The following PTPRM variants were observed in gnomAD, a reference collection of about 807,000 sequenced individuals.
PTPRM encodes receptor-type tyrosine-protein phosphatase mu.
PTPRM carries 47 observed loss-of-function variants against 186.7 expected under a neutral mutation model. The observed-to-expected ratio is 0.25, with a 90% confidence interval of 0.20 to 0.32. PTPRM has a LOEUF of 0.32. Among genes scored for constraint, PTPRM ranks in the 10% least tolerant of loss-of-function variants. The pLI, the probability that PTPRM is intolerant of heterozygous loss-of-function variation, is 1.00. For synonymous variants in PTPRM, 668 were observed against 674.9 expected (o/e 0.99, Z 0.16); for missense variants, 1,494 against 1,865.0 (o/e 0.80, Z 3.66).
chr18:8,071,588 A>G (rs893693863), intron 8 of PTPRM, among the ~76,000 whole-genome samples: 4 of 152,092 alleles, frequency 2.6e-5, no homozygotes, highest in African/African-American at 9.7e-5. Context: ...TTCTTGGCTC[A>G]TATTCTAGGA....
At chr18:8,290,100 G>A (rs2095025797) in intron 19 of PTPRM, among the ~76,000 whole-genome samples, 1 of 152,140 alleles carries the variant, frequency 6.6e-6, no homozygotes, top group Non-Finnish European at 1.5e-5. Flanking sequence ...GCAATAAATA[G>A]TTTATATGGG....
At chr18:7,817,452 T>G (rs1598867450) in intron 2 of PTPRM, among the ~76,000 whole-genome samples, 1 of 152,200 alleles carries the variant, frequency 6.6e-6, no homozygotes, top group Non-Finnish European at 1.5e-5. Context: ...TTAGATACCA[T>G]TTGGGGTTAT....
At chr18:8,017,160 A>T (rs978183585) in intron 7 of PTPRM, among the ~76,000 whole-genome samples, 3 of 152,156 alleles carry the variant, frequency 2.0e-5, no homozygotes, top group Non-Finnish European at 4.4e-5. Flanking sequence ...CCACGTATTT[A>T]TTATTTCAGG....
intron 2 of PTPRM, among the ~76,000 whole-genome samples, chr18:7,837,694 C>T (rs1160674795): frequency 1.3e-5 from 2 of 152,306 alleles, no homozygotes; most frequent in Admixed American, 6.5e-5. Context: ...CCACCCTCCT[C>T]AGCCTCCCAA....
At chr18:7,658,359 T>TATATATATATATATATATATACATACAC (rs1491198247) in intron 1 of PTPRM, among the ~76,000 whole-genome samples, 1 of 136,666 alleles carries the variant, frequency 7.3e-6, no homozygotes, top group African/African-American at 2.9e-5. Flanking sequence ...TATATATATA[T>TATATATATATATATATATATACATACAC]ACATACACAC....
At chr18:8,152,084 C>T (rs1374511457) in intron 14 of PTPRM, among the ~76,000 whole-genome samples, 4 of 105,210 alleles carry the variant, frequency 3.8e-5, no homozygotes, top group Admixed American at 9.7e-5. Flanking sequence ...AGCTGCAGAC[C>T]GGAGCTGTTC....
At chr18:8,028,800 C>T (rs549934556) in intron 7 of PTPRM, among the ~76,000 whole-genome samples, 17 of 152,234 alleles carry the variant, frequency 1.1e-4, no homozygotes, top group Admixed American at 3.3e-4. Context: ...CAAGAGAGCA[C>T]GACGAGGAAG....
At position 8,039,274 on chromosome 18, in the gene PTPRM, TCTC is replaced by T. The variant is rs1034233238; in HGVS notation, c.1133-30408_1133-30406del. 3.0e-4 allele frequency among the ~76,000 whole-genome samples: 46 copies of T among 152,134 alleles called. 1 individual carries two copies. Among genetic ancestry groups the T allele is most frequent in the Admixed American group, 5.2e-4 (8 of 15,270 alleles). On this transcript the variant is annotated intron_variant, in intron 7 of 32. Coordinates refer to ENST00000580170, the MANE Select transcript of PTPRM (RefSeq NM_001105244.2). ...GAACCTTTACAGATTACTGTATTTC[TCTC>T]CTCAACAATATAATACTTGTTCAGA...
At chr18:7,605,640 T>G (rs2143795023) in intron 1 of PTPRM, among the ~76,000 whole-genome samples, 1 of 152,338 alleles carries the variant, frequency 6.6e-6, no homozygotes, top group East Asian at 1.9e-4. Context: ...AGAGTTCCAG[T>G]TGTGTGGGAT....
chr18:7,900,649 A>G (rs758706342), intron 3 of PTPRM, among the ~76,000 whole-genome samples: 1 of 152,200 alleles, frequency 6.6e-6, no homozygotes, highest in African/African-American at 2.4e-5. Flanking sequence ...AAGAGTCCAG[A>G]CTTGGAAGCA....
At chr18:8,404,159 ACATTCCCTC>A (rs1237908486) in intron 32 of PTPRM, 2 of 152,136 alleles carry the variant, frequency 1.3e-5, no homozygotes, top group Non-Finnish European at 2.9e-5. Context: ...GCACCGTTTG[ACATTCCCTC>A]CAGCCGTGTA....
intron 1 of PTPRM, among the ~76,000 whole-genome samples, chr18:7,626,055 CT>C (rs1365699953): frequency 1.3e-5 from 2 of 152,150 alleles, no homozygotes; most frequent in Non-Finnish European, 2.9e-5. Flanking sequence ...GCTAAAATGC[CT>C]TAACATTCAT....
intron 1 of PTPRM, among the ~76,000 whole-genome samples, chr18:7,609,752 C>G (rs1340145229): frequency 6.6e-6 from 1 of 152,034 alleles, no homozygotes; most frequent in Non-Finnish European, 1.5e-5. Context: ...CTGATTACTG[C>G]CCAGGGATGA....
chr18:8,157,043 T>C (rs999342726), intron 14 of PTPRM, among the ~76,000 whole-genome samples: 1 of 152,068 alleles, frequency 6.6e-6, no homozygotes, highest in Non-Finnish European at 1.5e-5. Context: ...GCACCTTTCC[T>C]CCTCAGAGAC....
At chr18:7,796,034 T>G (rs2145276571) in intron 2 of PTPRM, among the ~76,000 whole-genome samples, 1 of 152,168 alleles carries the variant, frequency 6.6e-6, no homozygotes, top group East Asian at 1.9e-4. Context: ...GGTCTCGAAC[T>G]CTTGGGCTCA....
chr18:8,143,973 T>G (rs146663366), intron 14 of PTPRM, among the ~76,000 whole-genome samples, 194 bp downstream of exon 14: 142 of 152,312 alleles, frequency 9.3e-4, no homozygotes, highest in Non-Finnish European at 1.7e-3. Context: ...TGGCTATGAT[T>G]CTGTGTGAAT....
intron 2 of PTPRM, among the ~76,000 whole-genome samples, chr18:7,817,960 G>A (rs576911120): frequency 8.5e-5 from 13 of 152,180 alleles, no homozygotes; most frequent in Non-Finnish European, 1.6e-4. Context: ...AGAAAGCTCC[G>A]CAAGGCAGAT....
At position 8,220,194 on chromosome 18, in the gene PTPRM, G is replaced by A. The variant is rs575773102; in HGVS notation, c.2301-23864G>A. 4.6e-5 allele frequency among the ~76,000 whole-genome samples: 7 copies of A among 152,272 alleles called. No homozygotes were observed. The East Asian group carries it at 1.2e-3, about 25-fold the overall frequency. ...AGAATTAAAGGGGAAGGAGATAAAAGATTAGAGATGAAGGAAAAAACAAGA... is the reference window on the plus strand; with the variant it reads ...AGAATTAAAGGGGAAGGAGATAAAAAATTAGAGATGAAGGAAAAAACAAGA... On this transcript the variant is annotated intron_variant, in intron 14 of 32. Coordinates refer to ENST00000580170, the MANE Select transcript of PTPRM (RefSeq NM_001105244.2).
intron 1 of PTPRM, among the ~76,000 whole-genome samples, chr18:7,738,269 C>T (rs552411508): frequency 2.0e-5 from 3 of 152,164 alleles, no homozygotes; most frequent in South Asian, 4.1e-4. Flanking sequence ...AAAATCCATG[C>T]TTCGGGATTC....
Sources: allele counts gnomAD v4.1 joint callset (sites outside exome capture counted in the v4.1 genomes callset), GRCh38; gene constraint gnomAD v4.1.1; transcripts MANE v1.5; gene names NCBI Gene and HGNC (gene_info 2026-07-23, HGNC 2026-07-21).